TJP1: variants seen among roughly 807,000 people sequenced by gnomAD.
The protein encoded by TJP1 is tight junction protein 1, also known as tight junction protein ZO-1.
TJP1 carries 43 observed loss-of-function variants against 194.2 expected under a neutral mutation model. The observed-to-expected ratio is 0.22, with a 90% CI of 0.17 to 0.29. The LOEUF is 0.29. Ranked by LOEUF, TJP1 falls within the 10% of genes least tolerant of loss-of-function variation. The pLI is 1.00. For synonymous variants in TJP1, 801 were observed against 779.0 expected (o/e 1.03, Z -0.47); for missense variants, 1,971 against 2,185.7 (o/e 0.90, Z 1.96).
At chr15:29,842,981 C>A (rs1437919375) in intron 2 of TJP1, among the ~76,000 whole-genome samples, 2 of 152,066 alleles carry the variant, frequency 1.3e-5, no homozygotes, top group Non-Finnish European at 2.9e-5. Context: ...GGGATAATCA[C>A]TGATTTTTTT....
At chr15:29,745,464 A>G (rs1595729620) in intron 8 of TJP1, among the ~76,000 whole-genome samples, 1 of 152,204 alleles carries the variant, frequency 6.6e-6, no homozygotes, top group Non-Finnish European at 1.5e-5. Flanking sequence ...AAACATTCTA[A>G]AACTTTAGAC....
chr15:29,777,995 A>C (rs1904812), intron 2 of TJP1, among the ~76,000 whole-genome samples: 143,451 of 152,146 alleles, frequency 0.94, 67,832 homozygotes, highest in East Asian at 1. Flanking sequence ...TTTGGTAGTT[A>C]TTTTATTTTC....
chr15:29,724,630 G>C (rs960880814), intron 18 of TJP1, among the ~76,000 whole-genome samples: 1 of 152,146 alleles, frequency 6.6e-6, no homozygotes, highest in African/African-American at 2.4e-5. Flanking sequence ...CTTGTAAAAA[G>C]GAACTCTTTC....
At chr15:29,720,849 C>A in intron 18 of TJP1, 141 bp from the exon 19 acceptor site, 1 of 683,786 alleles carries the variant, frequency 1.5e-6, no homozygotes, top group Non-Finnish European at 2.4e-6. Flanking sequence ...AAGGAAAAGT[C>A]AAGAAGATTG....
Position 29,720,008 on chromosome 15 carries a change from T to C in TJP1, c.2772A>G (p.Glu924=). 1 of 1,603,688 alleles carries C rather than the reference T, an allele frequency of 6.2e-7. No homozygotes were observed. Among genetic ancestry groups the C allele is most frequent in the South Asian group, 1.1e-5 (1 of 88,860 alleles). Residue 924 remains glutamate, a synonymous_variant, in exon 20 of 28, where the codon GAA becomes GAG. Coordinates refer to ENST00000614355, the MANE Select transcript of TJP1 (RefSeq NM_001330239.4). ...AAAGGTAAGGGACTGGAGATGAAGC[T>C]TCTGCTTTCTGTGAAGTGTTTAAAA... ...GFKPASQQKA[E]ASSPVPYLSP...
At chr15:29,949,469 A>ACCTCCACCT (rs140293789) in intron 2 of TJP1, among the ~76,000 whole-genome samples, 1 of 31,738 alleles carries the variant, frequency 3.2e-5, no homozygotes, top group African/African-American at 1.3e-4. Context: ...TTCCACCACC[A>ACCTCCACCT]CCACCTCCAC....
intron 1 of TJP1, among the ~76,000 whole-genome samples, chr15:29,802,512 T>TC (rs910008845): frequency 1.3e-5 from 2 of 151,178 alleles, no homozygotes; most frequent in African/African-American, 4.9e-5. Flanking sequence ...GTTTCAATCT[T>TC]CCAATGAAGT....
intron 2 of TJP1, among the ~76,000 whole-genome samples, chr15:29,838,721 T>C (rs2051119822): frequency 6.6e-6 from 1 of 152,086 alleles, no homozygotes; most frequent in South Asian, 2.1e-4. Flanking sequence ...GATTTAACTA[T>C]GCCTTCACCA....
intron 2 of TJP1, among the ~76,000 whole-genome samples, chr15:29,832,027 T>C (rs934702339): frequency 6.6e-6 from 1 of 152,196 alleles, no homozygotes; most frequent in Non-Finnish European, 1.5e-5. Flanking sequence ...TCAGCTAAAA[T>C]AGGTAGACTG....
At chr15:29,931,015 C>T (rs956929297) in intron 2 of TJP1, among the ~76,000 whole-genome samples, 5 of 152,134 alleles carry the variant, frequency 3.3e-5, no homozygotes, top group African/African-American at 4.8e-5. Context: ...TGACTCCCCC[C>T]AGAACTTAAC....
intron 2 of TJP1, among the ~76,000 whole-genome samples, chr15:29,886,587 G>A (rs1454751935): frequency 6.6e-6 from 1 of 150,812 alleles, no homozygotes; most frequent in Non-Finnish European, 1.5e-5. Flanking sequence ...CTGAGCCATA[G>A]AGAGAGGCCA....
At position 29,885,441 on chromosome 15, in the gene TJP1, G is replaced by A. The variant is rs145336354; in HGVS notation, c.306+70791C>T. 4.4e-3 allele frequency among the ~76,000 whole-genome samples: 668 copies of A among 152,294 alleles called. 7 individuals are homozygous for A. Among genetic ancestry groups the A allele is most frequent in the Non-Finnish European group, 4.3e-3 (294 of 68,016 alleles). ...GCTGTGGGGAGGGACTGCAGGCTGCGAGGCTTTGCTCCTCGCTCCTTTTCC... is the reference window on the plus strand; with the variant it reads ...GCTGTGGGGAGGGACTGCAGGCTGCAAGGCTTTGCTCCTCGCTCCTTTTCC... On this transcript the variant is annotated intron_variant, in intron 2 of 28. Transcript: ENST00000356107.
At chr15:29,765,189 T>C (rs1442094797) in intron 5 of TJP1, among the ~76,000 whole-genome samples, 2 of 152,080 alleles carry the variant, frequency 1.3e-5, no homozygotes, top group African/African-American at 2.4e-5. Flanking sequence ...CTAGATTTAG[T>C]GTGAACATTT....
chr15:29,862,876 C>T (rs1364443163), intron 2 of TJP1, among the ~76,000 whole-genome samples: 2 of 151,348 alleles, frequency 1.3e-5, no homozygotes, highest in Non-Finnish European at 3.0e-5. Context: ...TCGCGATCTC[C>T]TGACTTCGTG....
At chr15:29,932,286 G>A (rs190123277) in intron 2 of TJP1, among the ~76,000 whole-genome samples, 62 of 152,276 alleles carry the variant, frequency 4.1e-4, no homozygotes, top group Non-Finnish European at 7.8e-4. Context: ...TACACAGGGA[G>A]AGGTAAACAG....
intron 2 of TJP1, among the ~76,000 whole-genome samples, chr15:29,951,511 G>A (rs1233671223): frequency 3.3e-5 from 5 of 150,712 alleles, no homozygotes; most frequent in Admixed American, 6.6e-5. Context: ...TTTTCAAATC[G>A]AAAAAAAATC....
intron 2 of TJP1, among the ~76,000 whole-genome samples, chr15:29,858,158 T>C (rs1567139612): frequency 6.6e-6 from 1 of 152,184 alleles, no homozygotes; most frequent in South Asian, 2.1e-4. Context: ...CTCAACACTT[T>C]GGGAGGCCAA....
rs190214831 is a variant in TJP1 at position 29,777,035 on chromosome 15, C to A, written c.85-3678G>T. The stretch of plus-strand genomic sequence containing the variant: ...AGTGATGCCTGCCTTCCACCCCCCC[C>A]ACTCAATACACGGCTGCAATTCAAA... On this transcript the variant is annotated intron_variant, in intron 2 of 27. Coordinates refer to ENST00000614355, the MANE Select transcript of TJP1 (RefSeq NM_001330239.4). Among the ~76,000 whole-genome samples the A allele has an allele frequency of 3.5e-4, 53 of 152,234 alleles. No homozygotes were observed. The East Asian group carries it at 4.8e-3, about 14-fold the overall frequency.
At chr15:29,797,274 C>G (rs556843975) in intron 2 of TJP1, among the ~76,000 whole-genome samples, 1 of 152,226 alleles carries the variant, frequency 6.6e-6, no homozygotes, top group South Asian at 2.1e-4. Flanking sequence ...CTCAGCCTCC[C>G]GAGTAGCTGG....
Sources: allele counts gnomAD v4.1 joint callset (sites outside exome capture counted in the v4.1 genomes callset), GRCh38; gene constraint gnomAD v4.1.1; transcripts MANE v1.5; gene names NCBI Gene and HGNC (gene_info 2026-07-23, HGNC 2026-07-21).